The following TBC1D22A variants were observed in gnomAD, a reference collection of about 807,000 sequenced individuals.
TBC1D22A encodes putative GTPase activator.
In TBC1D22A, 38 loss-of-function variants were observed where a neutral mutation model predicts 60.2. The observed-to-expected ratio is 0.63, with a 90% CI of 0.49 to 0.83. The LOEUF (loss-of-function observed/expected upper bound fraction) is 0.83. Ranked by LOEUF, TBC1D22A falls within the 40% of genes least tolerant of loss-of-function variation. The pLI is 0.00. For missense variants in TBC1D22A, 628 were observed against 701.0 expected (o/e 0.90, Z 1.18); for synonymous variants, 302 against 281.7 (o/e 1.07, Z -0.72).
At chr22:46,904,594 G>A (rs183933691) in intron 7 of TBC1D22A, among the ~76,000 whole-genome samples, 65 of 151,542 alleles carry the variant, frequency 4.3e-4, no homozygotes, top group African/African-American at 1.4e-3. Flanking sequence ...TCAGGCTCCC[G>A]AGTAGCTGGG....
At chr22:46,797,345 G>A (rs1433404056) in intron 3 of TBC1D22A, 99 bp from the exon 4 acceptor site, 3 of 1,333,478 alleles carry the variant, frequency 2.2e-6, no homozygotes, top group Non-Finnish European at 3.2e-6. Flanking sequence ...GGGAAGAAGG[G>A]ACCCATCAGC....
chr22:47,113,198 C>A (rs983237746), intron 12 of TBC1D22A, among the ~76,000 whole-genome samples: 2 of 152,216 alleles, frequency 1.3e-5, no homozygotes, highest in East Asian at 1.9e-4. Context: ...TGGTTCCCAC[C>A]GGCCAGCACA....
chr22:46,795,660 A>G (rs1216605925), intron 3 of TBC1D22A, among the ~76,000 whole-genome samples: 1 of 152,156 alleles, frequency 6.6e-6, no homozygotes, highest in Non-Finnish European at 1.5e-5. Context: ...TGACAATGAT[A>G]CCATATATTG....
intron 4 of TBC1D22A, among the ~76,000 whole-genome samples, chr22:46,810,640 G>A (rs983893330): frequency 2.6e-5 from 4 of 152,142 alleles, no homozygotes; most frequent in Admixed American, 1.3e-4. Context: ...ACAGTTCAGC[G>A]GCTTTTGGTA....
chr22:47,026,252 T>C (rs1569352958), intron 10 of TBC1D22A, among the ~76,000 whole-genome samples: 1 of 152,228 alleles, frequency 6.6e-6, no homozygotes, highest in Non-Finnish European at 1.5e-5. Context: ...GCATGTTCGA[T>C]GTTTAAACCC....
chr22:47,042,045 G>A (rs1223949104), intron 11 of TBC1D22A, among the ~76,000 whole-genome samples: 2 of 152,222 alleles, frequency 1.3e-5, no homozygotes, highest in Non-Finnish European at 2.9e-5. Context: ...TCACATTCTG[G>A]GCTTTGTTGC....
chr22:46,843,053 T>C (rs1203645546), intron 4 of TBC1D22A, among the ~76,000 whole-genome samples: 1 of 152,136 alleles, frequency 6.6e-6, no homozygotes, highest in African/African-American at 2.4e-5. Context: ...CTGAGGCAGT[T>C]GGTGGGAAAT....
At chr22:47,107,697 G>T (rs1402059609) in intron 11 of TBC1D22A, among the ~76,000 whole-genome samples, 2 of 152,170 alleles carry the variant, frequency 1.3e-5, no homozygotes, top group Admixed American at 6.6e-5. Context: ...GACAAAACAG[G>T]TTCTAAAACT....
intron 9 of TBC1D22A, among the ~76,000 whole-genome samples, chr22:46,976,376 C>T (rs1327292113): frequency 6.6e-6 from 1 of 152,170 alleles, no homozygotes; most frequent in African/African-American, 2.4e-5. Context: ...CCACATGATC[C>T]TCCCAGGAGC....
chr22:47,024,635 C>G (rs1218634882), intron 10 of TBC1D22A, among the ~76,000 whole-genome samples: 1 of 152,130 alleles, frequency 6.6e-6, no homozygotes, highest in African/African-American at 2.4e-5. Context: ...AGGAGGATTA[C>G]TTGGGCCTGG....
intron 8 of TBC1D22A, among the ~76,000 whole-genome samples, chr22:46,956,035 G>A (rs897869746): frequency 6.6e-6 from 1 of 152,152 alleles, no homozygotes; most frequent in African/African-American, 2.4e-5. Flanking sequence ...TTTTCAGTAT[G>A]TGAAAATGAT....
intron 12 of TBC1D22A, among the ~76,000 whole-genome samples, chr22:47,135,226 C>T (rs996855379): frequency 6.6e-6 from 1 of 152,184 alleles, no homozygotes; most frequent in East Asian, 1.9e-4. Flanking sequence ...GCGCAGGGCT[C>T]GGCGCTGCTT....
chr22:46,779,418 C>T (rs1021475163), intron 1 of TBC1D22A, among the ~76,000 whole-genome samples: 2 of 152,012 alleles, frequency 1.3e-5, no homozygotes, highest in Non-Finnish European at 2.9e-5. Context: ...ACCACCACAC[C>T]TGGCTAATGT....
At chr22:46,953,216 C>T (rs779330317) in intron 8 of TBC1D22A, among the ~76,000 whole-genome samples, 6 of 152,248 alleles carry the variant, frequency 3.9e-5, no homozygotes, top group African/African-American at 9.6e-5. Flanking sequence ...CTTCATATTT[C>T]GAGTTGCAGT....
At chr22:47,041,525 C>G (rs1256941312) in intron 11 of TBC1D22A, among the ~76,000 whole-genome samples, 1 of 152,246 alleles carries the variant, frequency 6.6e-6, no homozygotes. Context: ...AGATTGCCTA[C>G]TGGTCACCAA....
At chr22:47,153,639 G>A (rs1384458018) in intron 12 of TBC1D22A, among the ~76,000 whole-genome samples, 1 of 152,124 alleles carries the variant, frequency 6.6e-6, no homozygotes, top group Non-Finnish European at 1.5e-5. Flanking sequence ...TACCACCCAG[G>A]AGTGAGCCGG....
At chr22:47,096,800 T>C (rs1462804953) in intron 11 of TBC1D22A, among the ~76,000 whole-genome samples, 4 of 152,160 alleles carry the variant, frequency 2.6e-5, no homozygotes, top group Non-Finnish European at 5.9e-5. Context: ...CCAGCCTGGG[T>C]GGCAGAGCGA....
intron 11 of TBC1D22A, among the ~76,000 whole-genome samples, chr22:47,059,943 C>G (rs2063512686): frequency 6.6e-6 from 1 of 152,172 alleles, no homozygotes; most frequent in Non-Finnish European, 1.5e-5. Flanking sequence ...CTTCTCTGTT[C>G]CAGGGTACAG....
intron 2 of TBC1D22A, among the ~76,000 whole-genome samples, chr22:46,793,202 T>G (rs1236014791): frequency 6.6e-6 from 1 of 152,182 alleles, no homozygotes; most frequent in Admixed American, 6.5e-5. Flanking sequence ...TCGGGGAAGG[T>G]GCCCCAGGCA....
Sources: gnomAD v4.1 joint callset for allele counts (sites outside exome capture counted in the v4.1 genomes callset) on GRCh38, gnomAD v4.1.1 for gene constraint, MANE v1.5 for transcripts, NCBI Gene and HGNC (gene_info 2026-07-23, HGNC 2026-07-21) for gene names.